The following CACNB2 variants were observed in gnomAD, a reference collection of about 807,000 sequenced individuals.
CACNB2 encodes voltage-dependent L-type calcium channel subunit beta-2.
CACNB2 carries 42 observed loss-of-function variants against 73.3 expected under a neutral mutation model. The ratio of observed to expected loss-of-function variants is 0.57; its 90% CI spans 0.45 to 0.74. CACNB2 has a LOEUF of 0.74. Ranked by LOEUF, CACNB2 falls within the 30% of genes least tolerant of loss-of-function variation. The probability of loss-of-function intolerance (pLI) is 0.00; values close to 1 mark genes in which losing one functional copy is unlikely to be tolerated. For synonymous variants in CACNB2, 348 were observed against 310.3 expected (o/e 1.12, Z -1.28); for missense variants, 940 against 853.0 (o/e 1.10, Z -1.27).
intron 3 of CACNB2, among the ~76,000 whole-genome samples, chr10:18,415,138 TGTATCACTGAGTAATGTG>T (rs1275304299): frequency 6.6e-6 from 1 of 152,166 alleles, no homozygotes; most frequent in African/African-American, 2.4e-5. Context: ...GCTAAAAATG[TGTATCACTGAGTAATGTG>T]GTAGCTATCA....
At chr10:18,490,000 C>G (rs1378655505) in intron 3 of CACNB2, among the ~76,000 whole-genome samples, 1 of 152,110 alleles carries the variant, frequency 6.6e-6, no homozygotes. Context: ...ACCTCAGCCT[C>G]TTGAGTAGCT....
intron 3 of CACNB2, among the ~76,000 whole-genome samples, chr10:18,417,325 A>G (rs1198956336): frequency 1.3e-5 from 2 of 150,550 alleles, no homozygotes; most frequent in Admixed American, 6.6e-5. Context: ...TTTACACTTC[A>G]ACATTATTTA....
At chr10:18,218,982 G>A (rs2035620587) in intron 2 of CACNB2, among the ~76,000 whole-genome samples, 1 of 152,176 alleles carries the variant, frequency 6.6e-6, no homozygotes, top group East Asian at 1.9e-4. Flanking sequence ...TGGGCAACAT[G>A]GAGAAACCCT....
At chr10:18,265,290 G>A (rs932853943) in intron 2 of CACNB2, among the ~76,000 whole-genome samples, 2 of 150,948 alleles carry the variant, frequency 1.3e-5, no homozygotes, top group East Asian at 3.9e-4. Context: ...CCAATTTCAC[G>A]CCCAGCTAAT....
chr10:18,358,497 G>GCTCTCTCTCTCTCTCTCTCT (rs59205683), intron 2 of CACNB2, among the ~76,000 whole-genome samples: 12 of 104,332 alleles, frequency 1.2e-4, no homozygotes, highest in Non-Finnish European at 1.3e-4. Context: ...TAATGAGCAC[G>GCTCTCTCTCTCTCTCTCTCT]CTCTCTCTCT....
intron 2 of CACNB2, among the ~76,000 whole-genome samples, chr10:18,398,711 ACAC>A (rs1397576408): frequency 0.017 from 2,486 of 144,278 alleles, 46 homozygotes; most frequent in East Asian, 0.062. Context: ...ACACACACAC[ACAC>A]AATTGTTTTT....
chr10:18,509,876 A>G (rs2050675799), intron 6 of CACNB2, among the ~76,000 whole-genome samples: 1 of 152,238 alleles, frequency 6.6e-6, no homozygotes, highest in Non-Finnish European at 1.5e-5. Context: ...GTGAGGAAGA[A>G]TGAGACTTTT....
At chr10:18,468,856 C>T (rs535102409) in intron 3 of CACNB2, among the ~76,000 whole-genome samples, 2 of 152,286 alleles carry the variant, frequency 1.3e-5, no homozygotes, top group South Asian at 4.1e-4. Context: ...GCCCTAGCCT[C>T]CCAAAGTGCT....
At chr10:18,459,280 G>T (rs1564572665) in intron 3 of CACNB2, among the ~76,000 whole-genome samples, 1 of 152,122 alleles carries the variant, frequency 6.6e-6, no homozygotes, top group Admixed American at 6.5e-5. Context: ...ATTGTCATTT[G>T]CCCCTCCCAG....
intron 3 of CACNB2, among the ~76,000 whole-genome samples, chr10:18,493,179 CTTTG>C (rs200084511): frequency 0.016 from 2,400 of 152,228 alleles, 36 homozygotes; most frequent in Middle Eastern, 0.041. Flanking sequence ...CTGTCTTTCT[CTTTG>C]TTTGAGATGG....
intron 6 of CACNB2, chr10:18,513,771 C>T (rs1261102255): frequency 4.3e-6 from 1 of 231,176 alleles, no homozygotes. Flanking sequence ...GAATGTATTC[C>T]AATATCAAAT....
At chr10:18,491,747 AT>A (rs2049439744) in intron 3 of CACNB2, among the ~76,000 whole-genome samples, 1 of 150,346 alleles carries the variant, frequency 6.7e-6, no homozygotes, top group African/African-American at 2.4e-5. Context: ...GATATATTTG[AT>A]TAACAAATGG....
chr10:18,212,302 T>C (rs544790974), intron 2 of CACNB2, among the ~76,000 whole-genome samples: 2 of 152,352 alleles, frequency 1.3e-5, no homozygotes, highest in South Asian at 4.1e-4. Context: ...TTTCACCATT[T>C]TGTCAGTCTG....
At chr10:18,401,115 T>C (rs1168018976) in intron 2 of CACNB2, 15 of 1,614,128 alleles carry the variant, frequency 9.3e-6, no homozygotes, top group Non-Finnish European at 1.3e-5. Flanking sequence ...GCGCAAGGGC[T>C]TTCGTTTGTG....
At chr10:18,520,984 GC>G (rs1277241269) in intron 9 of CACNB2, among the ~76,000 whole-genome samples, 1 of 152,162 alleles carries the variant, frequency 6.6e-6, no homozygotes, top group African/African-American at 2.4e-5. Context: ...CTCCATGAGG[GC>G]AGGGTTTGAG....
chr10:18,257,845 G>A (rs935293948), intron 2 of CACNB2, among the ~76,000 whole-genome samples: 2 of 152,166 alleles, frequency 1.3e-5, no homozygotes, highest in Non-Finnish European at 2.9e-5. Flanking sequence ...TCAGGTTCAA[G>A]CAATTCTCCT....
At chr10:18,432,851 C>CAAAT (rs1239481307) in intron 3 of CACNB2, among the ~76,000 whole-genome samples, 1 of 151,616 alleles carries the variant, frequency 6.6e-6, no homozygotes, top group East Asian at 1.9e-4. Context: ...AACAAACAAA[C>CAAAT]AAACAAACAA....
intron 2 of CACNB2, among the ~76,000 whole-genome samples, chr10:18,349,095 G>A (rs561554470): frequency 8.5e-5 from 13 of 152,316 alleles, no homozygotes; most frequent in South Asian, 6.2e-4. Context: ...ACTCCAGCCC[G>A]AGTGACAGAA....
intron 3 of CACNB2, among the ~76,000 whole-genome samples, chr10:18,449,278 G>C (rs565063332): frequency 6.6e-6 from 1 of 152,142 alleles, no homozygotes; most frequent in East Asian, 1.9e-4. Context: ...CCAGCTACTC[G>C]GGAGGCTGAG....
Sources: allele counts gnomAD v4.1 joint callset (sites outside exome capture counted in the v4.1 genomes callset), GRCh38; gene constraint gnomAD v4.1.1; transcripts MANE v1.5; gene names NCBI Gene and HGNC (gene_info 2026-07-23, HGNC 2026-07-21).